Variants in KHDRBS2 observed in about 807,000 individuals in gnomAD.
KHDRBS2 encodes KH domain-containing, RNA-binding, signal transduction-associated protein 2.
KHDRBS2 carries 26 observed loss-of-function variants against 44.3 expected under a neutral mutation model. The observed-to-expected ratio is 0.59, with a 90% CI of 0.43 to 0.81. The LOEUF is 0.81. Ranked by LOEUF, KHDRBS2 falls within the 40% of genes least tolerant of loss-of-function variation. KHDRBS2 has a pLI of 0.00. For missense variants in KHDRBS2, 476 were observed against 433.1 expected, an observed-to-expected ratio of 1.10 and a Z score of -0.88; for synonymous variants, 194 against 151.1, an observed-to-expected ratio of 1.28 and a Z score of -2.08.
intron 3 of KHDRBS2, among the ~76,000 whole-genome samples, chr6:62,030,739 T>TA (rs1006888082): frequency 3.9e-4 from 60 of 152,170 alleles, no homozygotes; most frequent in African/African-American, 1.4e-3. Flanking sequence ...ATTAAAATAA[T>TA]AAAAAAGATT....
chr6:62,272,691 A>G (rs1352452619), intron 1 of KHDRBS2, among the ~76,000 whole-genome samples: 1 of 152,218 alleles, frequency 6.6e-6, no homozygotes, highest in African/African-American at 2.4e-5. Flanking sequence ...GTCAGTAAGA[A>G]TTGTCAAAGG....
chr6:61,871,705 A>G (rs1798685525), intron 6 of KHDRBS2, among the ~76,000 whole-genome samples: 1 of 152,200 alleles, frequency 6.6e-6, no homozygotes, highest in South Asian at 2.1e-4. Context: ...AATATTCAAC[A>G]TTTCTAAAGA....
chr6:61,657,474 C>T, the KHDRBS2 span, among the ~76,000 whole-genome samples: 1 of 151,984 alleles, frequency 6.6e-6, no homozygotes, highest in African/African-American at 2.4e-5. Flanking sequence ...AGAACCCTGG[C>T]TTGACTGGTG....
intron 1 of KHDRBS2, among the ~76,000 whole-genome samples, chr6:62,188,522 T>C (rs771435833): frequency 6.6e-6 from 1 of 151,970 alleles, no homozygotes; most frequent in Non-Finnish European, 1.5e-5. Context: ...TGGTGAGAAG[T>C]GAGTGATGTT....
the KHDRBS2 span, among the ~76,000 whole-genome samples, chr6:61,661,959 A>C: frequency 6.6e-6 from 1 of 151,336 alleles, no homozygotes; most frequent in Admixed American, 6.6e-5. Flanking sequence ...AAGCCAAAAG[A>C]ACAAAGCTGG....
At chr6:61,641,903 C>A in the KHDRBS2 span, among the ~76,000 whole-genome samples, 1 of 152,252 alleles carries the variant, frequency 6.6e-6, no homozygotes, top group South Asian at 2.1e-4. Flanking sequence ...TCAATTAGGG[C>A]AGTGCTGGAA....
chr6:61,682,555 T>TTA (rs1766421632), intron 8 of KHDRBS2, among the ~76,000 whole-genome samples: 1 of 151,906 alleles, frequency 6.6e-6, no homozygotes, highest in African/African-American at 2.4e-5. Context: ...GGCATGCTGT[T>TTA]TATTTACATA....
chr6:62,235,529 A>T (rs139431651), intron 1 of KHDRBS2, among the ~76,000 whole-genome samples: 104 of 152,080 alleles, frequency 6.8e-4, no homozygotes, highest in African/African-American at 2.4e-3. Flanking sequence ...TTCCTCTGGG[A>T]TCAGATATTA....
intron 6 of KHDRBS2, among the ~76,000 whole-genome samples, chr6:61,873,216 A>C (rs963398579): frequency 3.3e-5 from 5 of 152,064 alleles, no homozygotes; most frequent in African/African-American, 1.2e-4. Context: ...CACAAAAGAG[A>C]GTGAAAAGAT....
chr6:61,651,337 C>G, the KHDRBS2 span, among the ~76,000 whole-genome samples: 1 of 151,996 alleles, frequency 6.6e-6, no homozygotes, highest in Non-Finnish European at 1.5e-5. Context: ...GGATGGAACC[C>G]AAGTCTAAAC....
At chr6:61,622,904 A>T in the KHDRBS2 span, among the ~76,000 whole-genome samples, 1 of 152,096 alleles carries the variant, frequency 6.6e-6, no homozygotes, top group Non-Finnish European at 1.5e-5. Context: ...GGCTTTGTTA[A>T]TGGCAAAGGG....
chr6:62,198,846 C>A (rs1410055301), intron 1 of KHDRBS2, among the ~76,000 whole-genome samples: 49 of 152,128 alleles, frequency 3.2e-4, no homozygotes, highest in Admixed American at 3.1e-3. Flanking sequence ...CAATAAAATA[C>A]TGGCAAACCG....
intron 7 of KHDRBS2, among the ~76,000 whole-genome samples, chr6:61,705,116 C>G (rs1049183771): frequency 3.3e-5 from 5 of 151,814 alleles, no homozygotes; most frequent in Non-Finnish European, 5.9e-5. Context: ...GGCCCAAACT[C>G]AAATGCATAG....
the KHDRBS2 span, among the ~76,000 whole-genome samples, chr6:61,595,878 A>G: frequency 6.6e-6 from 1 of 151,844 alleles, no homozygotes; most frequent in South Asian, 2.1e-4. Flanking sequence ...CATGACTTTA[A>G]TATTTTAAAT....
intron 2 of KHDRBS2, among the ~76,000 whole-genome samples, chr6:62,107,456 A>C (rs923754039): frequency 6.6e-6 from 1 of 152,186 alleles, no homozygotes; most frequent in African/African-American, 2.4e-5. Context: ...ATACAAACAA[A>C]CGAAAGAACA....
chr6:61,914,712 T>C (rs1253649611), intron 4 of KHDRBS2, among the ~76,000 whole-genome samples: 2 of 152,170 alleles, frequency 1.3e-5, no homozygotes, highest in Non-Finnish European at 2.9e-5. Context: ...AAATTGGGAA[T>C]ATTTCAGTGT....
rs1006463197 is a variant in KHDRBS2, at chr6:62,093,882, G to A, written c.220-45888C>T. On this transcript the variant is annotated intron_variant, in intron 2 of 8. Transcript: ENST00000281156. ...TGTGTGTGTGTGTGTGTGTGTGTGTGTGTGTGTGTGTATATCACATTTTCT... is the reference window on the plus strand; with the variant it reads ...TGTGTGTGTGTGTGTGTGTGTGTGTATGTGTGTGTGTATATCACATTTTCT... Among the ~76,000 whole-genome samples the A allele has an allele frequency of 5.3e-5, 8 of 149,812 alleles. No homozygotes were observed. The East Asian group carries it at 1.6e-3, about 29-fold the overall frequency.
intron 2 of KHDRBS2, among the ~76,000 whole-genome samples, chr6:62,058,143 A>T (rs948059129): frequency 2.0e-5 from 3 of 151,886 alleles, no homozygotes; most frequent in Admixed American, 2.0e-4. Context: ...GTCCTTTCTC[A>T]AATAAGATAG....
At chr6:62,036,105 T>C (rs775330587) in intron 3 of KHDRBS2, among the ~76,000 whole-genome samples, 2 of 151,912 alleles carry the variant, frequency 1.3e-5, no homozygotes, top group East Asian at 1.9e-4. Flanking sequence ...TGCAGAGAAG[T>C]GGTGATCTAG....
Sources: gnomAD v4.1 joint callset for allele counts (sites outside exome capture counted in the v4.1 genomes callset) on GRCh38, gnomAD v4.1.1 for gene constraint, MANE v1.5 for transcripts, NCBI Gene and HGNC (gene_info 2026-07-23, HGNC 2026-07-21) for gene names.